TSPEAR: variants seen among roughly 807,000 people sequenced by gnomAD.
TSPEAR encodes thrombospondin-type laminin G domain and EAR repeat-containing protein.
TSPEAR carries 69 observed loss-of-function variants against 71.6 expected under a neutral mutation model. The observed-to-expected ratio is 0.96, with a 90% CI of 0.79 to 1.18. The LOEUF is 1.18. Ranked by LOEUF, TSPEAR falls within the 50% of genes most tolerant of loss-of-function variation. TSPEAR has a pLI of 0.00. For synonymous variants in TSPEAR, 402 were observed against 387.2 expected (o/e 1.04, Z -0.45); for missense variants, 971 against 894.9 (o/e 1.09, Z -1.09).
At chr21:44,690,584 C>T in intron 1 of TSPEAR, 4 of 985,418 alleles carry the variant, frequency 4.1e-6, no homozygotes, top group Non-Finnish European at 4.8e-6. Context: ...AGCATTCAGC[C>T]CACGCTTTCA....
chr21:44,518,596 G>C (rs782179577), intron 9 of TSPEAR: 28 of 464,710 alleles, frequency 6.0e-5, no homozygotes, highest in Non-Finnish European at 1.2e-4. Context: ...CCTAGTTGAC[G>C]AGAAAGTCAC....
chr21:44,659,458 A>T (rs141376634), intron 1 of TSPEAR, among the ~76,000 whole-genome samples: 3 of 152,200 alleles, frequency 2.0e-5, no homozygotes, highest in Non-Finnish European at 4.4e-5. Context: ...GACCAGATTG[A>T]CTCATCCACC....
intron 2 of TSPEAR, among the ~76,000 whole-genome samples, chr21:44,556,670 C>T (rs1036540582): frequency 1.6e-4 from 25 of 152,178 alleles, no homozygotes; most frequent in Middle Eastern, 3.2e-3. Context: ...CCAGTCTGGG[C>T]AACAGAGCCA....
chr21:44,524,487 G>T (rs927810271), intron 8 of TSPEAR, among the ~76,000 whole-genome samples: 1 of 150,510 alleles, frequency 6.6e-6, no homozygotes, highest in Non-Finnish European at 1.5e-5. Flanking sequence ...AGTCAGTCAG[G>T]TAGTTAGTCA....
chr21:44,627,367 C>G lies in TSPEAR; in HGVS notation c.83-59362G>C, dbSNP rs2020053. ...CTGCCAGGTGACCTGTGAGCCCAGCCCCTGCCAATCAGGCTGCACCAGCTC... is the reference window on the plus strand; with the variant it reads ...CTGCCAGGTGACCTGTGAGCCCAGCGCCTGCCAATCAGGCTGCACCAGCTC... On this transcript the variant is annotated intron_variant, in intron 1 of 11. Transcript: ENST00000323084. 100 of 1,613,548 alleles carry G rather than the reference C, an allele frequency of 6.2e-5. 1 individual carries two copies. Among genetic ancestry groups the G allele is most frequent in the African/African-American group, 1.7e-4 (13 of 74,894 alleles).
chr21:44,509,123 G>A (rs1357248485), intron 10 of TSPEAR, 76 bp downstream of exon 10: 5 of 1,500,114 alleles, frequency 3.3e-6, no homozygotes, highest in Non-Finnish European at 4.5e-6. Context: ...TGGTGAGGAT[G>A]AGCCTAACGG....
intron 1 of TSPEAR, among the ~76,000 whole-genome samples, chr21:44,626,966 G>A (rs1486971110): frequency 6.6e-6 from 1 of 152,096 alleles, no homozygotes; most frequent in Non-Finnish European, 1.5e-5. Flanking sequence ...GCTGGGCAAT[G>A]TCACCAGCAA....
intron 4 of TSPEAR, among the ~76,000 whole-genome samples, chr21:44,530,162 G>A (rs1040421886): frequency 7.3e-5 from 11 of 151,230 alleles, no homozygotes; most frequent in African/African-American, 2.2e-4. Flanking sequence ...CCCTTCCGAG[G>A]GAACTGAACC....
Position 44,656,958 on chromosome 21 carries a change from C to T in TSPEAR, c.82+54475G>A, listed in dbSNP as rs782442995. Among the ~76,000 whole-genome samples the T allele has an allele frequency of 5.9e-5, 9 of 152,258 alleles. No homozygotes were observed. The East Asian group carries it at 9.6e-4, about 16-fold the overall frequency. ...AACCCCAAATCCCAGACCCCCCCAG[C>T]ATGGGATTCTGATGCTTGGTTCTTG... On this transcript the variant is annotated intron_variant, in intron 1 of 11. Coordinates refer to ENST00000323084, the MANE Select transcript of TSPEAR (RefSeq NM_144991.3).
chr21:44,676,658 A>G (rs73234835), intron 1 of TSPEAR: 31,969 of 769,272 alleles, frequency 0.042, 806 homozygotes, highest in Middle Eastern at 0.065. Flanking sequence ...AGGACATCTC[A>G]CAAGTGATCA....
At chr21:44,562,428 T>C (rs139866019) in intron 2 of TSPEAR, among the ~76,000 whole-genome samples, 2,954 of 152,320 alleles carry the variant, frequency 0.019, 82 homozygotes, top group African/African-American at 0.066. Context: ...ATAGATTCAA[T>C]GCTATTCCCA....
chr21:44,612,656 C>T lies in TSPEAR; in HGVS notation c.83-44651G>A. On this transcript the variant is annotated intron_variant, in intron 1 of 11. Coordinates refer to ENST00000323084, the MANE Select transcript of TSPEAR (RefSeq NM_144991.3). The surrounding 1 kb of genome is among the most constrained non-coding windows in gnomAD (Gnocchi z 4.1). ...GCCTGTCTGCTCTGGGGCTTCCTCT[C>T]TGTGCTGCCAGAAGTCTAGCTGCCA... 6.2e-7 allele frequency: 1 copy of T among 1,613,008 alleles called. No homozygotes were observed. The highest frequency in any genetic ancestry group is 2.2e-5 in the East Asian group (1 of 44,820).
At position 44,679,650 on chromosome 21, in the gene TSPEAR, T is replaced by G. The variant is rs373687185; in HGVS notation, c.82+31783A>C. Among the ~76,000 whole-genome samples, 43 of 152,200 alleles carry G rather than the reference T, an allele frequency of 2.8e-4. 1 individual carries two copies. The South Asian group carries it at 7.9e-3, about 28-fold the overall frequency. On this transcript the variant is annotated intron_variant, in intron 1 of 11. Coordinates refer to ENST00000323084, the MANE Select transcript of TSPEAR (RefSeq NM_144991.3). ...TCACACCGCTTGACTTCAAAATATA[T>G]TACAAGGCTAAACAGCATAGTATTG...
At chr21:44,589,263 T>C (rs1156936550) in intron 1 of TSPEAR, among the ~76,000 whole-genome samples, 5 of 152,248 alleles carry the variant, frequency 3.3e-5, no homozygotes, top group African/African-American at 9.6e-5. Flanking sequence ...TGTGTCAGTA[T>C]TGGATTCCTT....
intron 2 of TSPEAR, among the ~76,000 whole-genome samples, chr21:44,567,173 T>C (rs2053714248): frequency 6.6e-6 from 1 of 152,136 alleles, no homozygotes; most frequent in Non-Finnish European, 1.5e-5. Flanking sequence ...AGTCCATTAA[T>C]CCACGAAAAA....
chr21:44,538,702 G>A (rs782672403), intron 2 of TSPEAR, among the ~76,000 whole-genome samples: 16 of 152,184 alleles, frequency 1.1e-4, no homozygotes, highest in Admixed American at 2.0e-4. Flanking sequence ...TCCCAGGTGA[G>A]AGAGTGGGTG....
intron 1 of TSPEAR, among the ~76,000 whole-genome samples, chr21:44,670,847 C>T (rs55877354): frequency 0.039 from 6,000 of 152,280 alleles, 129 homozygotes; most frequent in Middle Eastern, 0.085. Flanking sequence ...TCAGCTCTGC[C>T]GAATCCCACA....
At chr21:44,598,966 C>T (rs891932506) in intron 1 of TSPEAR, among the ~76,000 whole-genome samples, 1 of 152,174 alleles carries the variant, frequency 6.6e-6, no homozygotes, top group South Asian at 2.1e-4. Context: ...TTTCTTTCAG[C>T]TCTTTAAAGA....
chr21:44,602,334 GGCA>G (rs1981000399), intron 1 of TSPEAR, among the ~76,000 whole-genome samples: 1 of 152,222 alleles, frequency 6.6e-6, no homozygotes, highest in Non-Finnish European at 1.5e-5. Flanking sequence ...CCGAGGGGTA[GGCA>G]GGACTGAGGG....
Sources: allele counts gnomAD v4.1 joint callset (sites outside exome capture counted in the v4.1 genomes callset), GRCh38; gene constraint gnomAD v4.1.1; non-coding constraint Gnocchi (gnomAD v3.1); transcripts MANE v1.5; gene names NCBI Gene and HGNC (gene_info 2026-07-23, HGNC 2026-07-21).